ELP6: variants seen among roughly 807,000 people sequenced by gnomAD.
ELP6 encodes elongator complex protein 6.
In ELP6, 23 loss-of-function variants were observed where a neutral mutation model predicts 28.1. The ratio of observed to expected loss-of-function variants is 0.82; its 90% CI spans 0.59 to 1.16. The LOEUF (loss-of-function observed/expected upper bound fraction) is 1.16, where lower values mean the gene tolerates loss of function less well. Ranked by LOEUF, ELP6 falls within the 50% of genes most tolerant of loss-of-function variation. The pLI is 0.00. For missense variants in ELP6, 313 were observed against 334.6 expected (o/e 0.94, Z 0.50); for synonymous variants, 132 against 135.8 (o/e 0.97, Z 0.19).
Position 47,497,444 on chromosome 3 carries a change from C to T in ELP6, c.672+842G>A, listed in dbSNP as rs368154648. ...CTCCGCCTCCTGGGTTCAAGCGATT[C>T]TCCTGCCTCAGCCTCCCGAGTAGCT... On this transcript the variant is annotated intron_variant, in intron 6 of 6. Coordinates refer to ENST00000296149, the MANE Select transcript of ELP6 (RefSeq NM_001031703.3). 102 of 628,448 alleles carry T rather than the reference C, an allele frequency of 1.6e-4. 2 individuals are homozygous for T. The African/African-American group carries it at 1.8e-3, about 11-fold the overall frequency. The allele number at this position is 628,448 out of a possible 1,614,324, so 38.9% of individuals were successfully genotyped here.
chr3:47,501,950 A>G (rs947461304), intron 4 of ELP6, 99 bp from the exon 5 acceptor site: 1 of 1,112,770 alleles, frequency 9.0e-7, no homozygotes, highest in African/African-American at 1.6e-5. Context: ...GGGACAAAGA[A>G]CTGTATCACA....
At chr3:47,509,381 A>G (rs1471776829) in intron 3 of ELP6, among the ~76,000 whole-genome samples, 1 of 152,248 alleles carries the variant, frequency 6.6e-6, no homozygotes, top group Non-Finnish European at 1.5e-5. Flanking sequence ...CAGGCAGTGA[A>G]GTCCACCTAG....
chr3:47,505,978 G>A (rs1282603705), intron 3 of ELP6, among the ~76,000 whole-genome samples: 2 of 152,186 alleles, frequency 1.3e-5, no homozygotes, highest in East Asian at 1.9e-4. Context: ...AACCTGCCCC[G>A]ATAGTCACGT....
chr3:47,511,746 G>C (rs982005731), intron 1 of ELP6: 12 of 964,390 alleles, frequency 1.2e-5, no homozygotes, highest in African/African-American at 1.8e-5. Flanking sequence ...CAATGGCCCT[G>C]CTTCAGAGGC....
At chr3:47,504,785 G>A (rs759037945) in intron 3 of ELP6, 11 of 301,022 alleles carry the variant, frequency 3.7e-5, no homozygotes, top group Non-Finnish European at 4.9e-5. Flanking sequence ...GCAAGACCTC[G>A]TCTCTACAAA....
intron 2 of ELP6, 43 bp downstream of exon 2, chr3:47,511,105 C>A: frequency 6.5e-7 from 1 of 1,535,966 alleles, no homozygotes; most frequent in Non-Finnish European, 9.0e-7. Flanking sequence ...TATTTCTGCA[C>A]CCATCTTGGG....
chr3:47,513,629 GA>G lies in ELP6; in HGVS notation c.-40del. 1 of 1,612,066 alleles carries G rather than the reference GA, an allele frequency of 6.2e-7. No homozygotes were observed. The highest frequency in any genetic ancestry group is 8.5e-7 in the Non-Finnish European group (1 of 1,178,930). ...GACTAGCGCTCTGGAGGAGAACCCG[GA>G]GTGCTGCAGAGACGACGGAGGCTGG... On this transcript the variant is annotated 5_prime_UTR_variant, in exon 1 of 7. It introduces an in-frame stop codon into an upstream open reading frame of the 5' UTR. Transcript: ENST00000296149.
chr3:47,495,669 C>T lies in ELP6; in HGVS notation c.*400G>A. Reference sequence around the variant, plus strand: ...GTGTGGAAACTTACTTTATTCCAGCCATGATTATCCTAGTTGTCACCTTGC... The same window carrying T: ...GTGTGGAAACTTACTTTATTCCAGCTATGATTATCCTAGTTGTCACCTTGC... On this transcript the variant is annotated 3_prime_UTR_variant, in exon 7 of 7. Coordinates refer to ENST00000296149, the MANE Select transcript of ELP6 (RefSeq NM_001031703.3). 1 of 200,900 alleles carries T rather than the reference C, an allele frequency of 5.0e-6. No individual in the cohort carries two copies. Among genetic ancestry groups the T allele is most frequent in the Non-Finnish European group, 1.0e-5 (1 of 100,338 alleles). The allele number at this position is 200,900 out of a possible 1,614,324, so 12.4% of individuals were successfully genotyped here. A position where few individuals can be genotyped will look rare whatever the true frequency, so the allele number is the denominator to read the frequency against.
intron 3 of ELP6, among the ~76,000 whole-genome samples, chr3:47,509,692 C>T (rs1708955244): frequency 6.6e-6 from 1 of 152,080 alleles, no homozygotes; most frequent in African/African-American, 2.4e-5. Context: ...AACAGCAGGT[C>T]TGGTTCTACG....
intron 5 of ELP6, chr3:47,500,292 T>A: frequency 9.8e-7 from 1 of 1,022,604 alleles, no homozygotes; most frequent in Non-Finnish European, 1.2e-6. Context: ...GGGAGACAAA[T>A]ATGTGCATAT....
intron 5 of ELP6, 84 bp downstream of exon 5, chr3:47,501,565 AG>A: frequency 7.2e-7 from 1 of 1,393,238 alleles, no homozygotes; most frequent in Non-Finnish European, 1.0e-6. Flanking sequence ...GCAAATAAAA[AG>A]ATCACAGCAA....
chr3:47,511,084 T>A, intron 2 of ELP6, 64 bp downstream of exon 2: 1 of 1,388,996 alleles, frequency 7.2e-7, no homozygotes, highest in Non-Finnish European at 1.0e-6. Flanking sequence ...TTAAATAGTT[T>A]TGGTTTTTAT....
chr3:47,503,429 G>C, intron 4 of ELP6: 1 of 1,289,582 alleles, frequency 7.8e-7, no homozygotes, highest in Non-Finnish European at 1.0e-6. Flanking sequence ...CAAACCAGGG[G>C]AAAAATTTTT....
At chr3:47,496,642 G>T in intron 6 of ELP6, 3 of 592,226 alleles carry the variant, frequency 5.1e-6, no homozygotes, top group Non-Finnish European at 6.4e-6. Flanking sequence ...TTATGGGTGC[G>T]CATCACCATG....
Position 47,504,318 on chromosome 3 carries a change from A to G in ELP6, c.323+12T>C, listed in dbSNP as rs1327453109. 1 of 1,596,948 alleles carries G rather than the reference A, an allele frequency of 6.3e-7. No homozygotes were observed. Among genetic ancestry groups the G allele is most frequent in the Non-Finnish European group, 8.5e-7 (1 of 1,170,484 alleles). ...ACGTGTTGCTTCCGGGCTGGGCTGTAGGCTGACTGACCTGAGAAACTGCAG... is the reference window on the plus strand; with the variant it reads ...ACGTGTTGCTTCCGGGCTGGGCTGTGGGCTGACTGACCTGAGAAACTGCAG... On this transcript the variant is annotated intron_variant, in intron 4 of 6. Coordinates refer to ENST00000296149, the MANE Select transcript of ELP6 (RefSeq NM_001031703.3).
At chr3:47,513,513 C>A in intron 1 of ELP6, 24 bp downstream of exon 1, 2 of 1,610,022 alleles carry the variant, frequency 1.2e-6, no homozygotes, top group Non-Finnish European at 1.7e-6. Context: ...GTCCCGCCCC[C>A]TTCCGGCCAG....
intron 5 of ELP6, among the ~76,000 whole-genome samples, chr3:47,501,026 C>A (rs1448982492): frequency 6.6e-6 from 1 of 152,162 alleles, no homozygotes; most frequent in Non-Finnish European, 1.5e-5. Context: ...GAGGTAGGCA[C>A]CACAGCCATT....
chr3:47,497,490 C>T (rs1708512330), intron 6 of ELP6: 1 of 242,524 alleles, frequency 4.1e-6, no homozygotes, highest in Admixed American at 6.5e-5. Context: ...GCCCACACCA[C>T]CATGCCTGGC....
chr3:47,499,432 T>C (rs1679572682), intron 5 of ELP6, among the ~76,000 whole-genome samples: 1 of 151,440 alleles, frequency 6.6e-6, no homozygotes, highest in African/African-American at 2.4e-5. Context: ...GGCAGGAGAA[T>C]TGCTTGAACC....
Sources: allele counts gnomAD v4.1 joint callset (sites outside exome capture counted in the v4.1 genomes callset), GRCh38; gene constraint gnomAD v4.1.1; transcripts MANE v1.5; gene names NCBI Gene and HGNC (gene_info 2026-07-23, HGNC 2026-07-21).